Variants in SYN3 observed in about 807,000 individuals in gnomAD.
SYN3 encodes synapsin III.
In SYN3, 35 loss-of-function variants were observed where a neutral mutation model predicts 65.8. The observed-to-expected ratio is 0.53, with a 90% CI of 0.41 to 0.70. The LOEUF (loss-of-function observed/expected upper bound fraction) is 0.70, where lower values mean the gene tolerates loss of function less well. SYN3 is among the 30% of genes least tolerant of loss of function. The probability of loss-of-function intolerance (pLI) is 0.00; values close to 1 mark genes in which losing one functional copy is unlikely to be tolerated. For missense variants in SYN3, 680 were observed against 749.0 expected, an observed-to-expected ratio of 0.91 and a Z score of 1.08; for synonymous variants, 270 against 292.9, an observed-to-expected ratio of 0.92 and a Z score of 0.80.
Position 32,995,951 on chromosome 22 carries a change from T to A in SYN3, c.311+10401A>T, listed in dbSNP as rs569317974. Reference sequence around the variant, plus strand: ...CAGGTGTGAGCCACCGCATCCGGCCTTTTTTTTTCCCCCTGAAGGAAACAC... The same window carrying A: ...CAGGTGTGAGCCACCGCATCCGGCCATTTTTTTTCCCCCTGAAGGAAACAC... On this transcript the variant is annotated intron_variant, in intron 2 of 13. Coordinates refer to ENST00000358763, the MANE Select transcript of SYN3 (RefSeq NM_003490.4). Among the ~76,000 whole-genome samples the A allele has an allele frequency of 5.8e-4, 87 of 151,304 alleles. No homozygotes were observed. In the South Asian group the frequency reaches 0.013, roughly 22 times the overall value.
At chr22:32,686,013 A>T (rs1395564197) in intron 6 of SYN3, among the ~76,000 whole-genome samples, 1 of 152,180 alleles carries the variant, frequency 6.6e-6, no homozygotes, top group Non-Finnish European at 1.5e-5. Flanking sequence ...TATCAAGCAA[A>T]ACTAGCAGGA....
At chr22:32,903,452 C>A (rs970530180) in intron 4 of SYN3, among the ~76,000 whole-genome samples, 2 of 152,196 alleles carry the variant, frequency 1.3e-5, no homozygotes, top group African/African-American at 4.8e-5. Context: ...CACTGACGAT[C>A]AAGTTTTGAC....
chr22:32,612,625 T>C (rs949591585), intron 6 of SYN3, among the ~76,000 whole-genome samples: 1 of 152,090 alleles, frequency 6.6e-6, no homozygotes, highest in Non-Finnish European at 1.5e-5. Flanking sequence ...GAGGATCGCT[T>C]AAGGCCAAAA....
At chr22:32,886,568 A>T (rs1017344221) in intron 4 of SYN3, among the ~76,000 whole-genome samples, 2 of 152,236 alleles carry the variant, frequency 1.3e-5, no homozygotes, top group Admixed American at 1.3e-4. Context: ...AAATGCACCC[A>T]TTTGAAACGT....
intron 3 of SYN3, among the ~76,000 whole-genome samples, chr22:32,971,396 G>A (rs995409967): frequency 2.0e-5 from 3 of 152,148 alleles, no homozygotes; most frequent in African/African-American, 7.2e-5. Flanking sequence ...CTGAGGTCAG[G>A]GTAAGCCAAG....
At chr22:32,990,457 C>CATCCATCCATCCATCT (rs2052680776) in intron 2 of SYN3, among the ~76,000 whole-genome samples, 1 of 150,680 alleles carries the variant, frequency 6.6e-6, no homozygotes, top group South Asian at 2.1e-4. Flanking sequence ...TCCATCCATC[C>CATCCATCCATCCATCT]GCCCACCTAC....
At chr22:32,967,224 G>A (rs759523202) in intron 3 of SYN3, among the ~76,000 whole-genome samples, 6 of 152,182 alleles carry the variant, frequency 3.9e-5, no homozygotes. Flanking sequence ...ACCGCCAGTG[G>A]AAACTCTCTC....
intron 6 of SYN3, among the ~76,000 whole-genome samples, chr22:32,633,037 A>G (rs879763881): frequency 1.3e-5 from 2 of 152,192 alleles, no homozygotes; most frequent in African/African-American, 2.4e-5. Context: ...CAGGCTCATG[A>G]CGTTAGGCAA....
chr22:32,580,137 T>C (rs1209507872), intron 7 of SYN3, among the ~76,000 whole-genome samples: 1 of 152,182 alleles, frequency 6.6e-6, no homozygotes, highest in African/African-American at 2.4e-5. Flanking sequence ...TACAGCCTGG[T>C]TGGGGAGGGA....
At position 32,864,898 on chromosome 22, in the gene SYN3, T is replaced by TA. The variant is rs1249805620; in HGVS notation, c.711+16dup. ...TTCCGCATCATGCAAAGAAACAGAG[T>TA]AAAAAAGGGCACTCACCATTGGCTT... On this transcript the variant is annotated intron_variant, in intron 6 of 13. Coordinates refer to ENST00000358763, the MANE Select transcript of SYN3 (RefSeq NM_003490.4). 6.2e-7 allele frequency: 1 copy of TA among 1,608,260 alleles called. No individual in the cohort carries two copies.
intron 3 of SYN3, among the ~76,000 whole-genome samples, chr22:32,935,424 G>A (rs1215475447): frequency 1.3e-5 from 2 of 149,592 alleles, no homozygotes; most frequent in Non-Finnish European, 3.0e-5. Flanking sequence ...AAATTATTTT[G>A]ACCTCTAAGG....
At chr22:32,800,591 G>A (rs1027221539) in intron 6 of SYN3, among the ~76,000 whole-genome samples, 15 of 152,182 alleles carry the variant, frequency 9.9e-5, no homozygotes, top group Middle Eastern at 3.2e-3. Flanking sequence ...TAGTAATTGT[G>A]TTAGTTATCT....
rs1218977119 is a variant in SYN3 at position 32,586,065 on chromosome 22, TATGTATAC to T, written c.774+10601_774+10608del. 6.2e-3 allele frequency among the ~76,000 whole-genome samples: 837 copies of T among 134,994 alleles called. 9 individuals are homozygous for T. Among genetic ancestry groups the T allele is most frequent in the Admixed American group, 9.4e-3 (124 of 13,154 alleles). The allele number at this position is 134,994 out of a possible 152,430, so 88.6% of individuals were successfully genotyped here. A position where few individuals can be genotyped will look rare whatever the true frequency, so the allele number is the denominator to read the frequency against. On this transcript the variant is annotated intron_variant, in intron 7 of 13. Coordinates refer to ENST00000358763, the MANE Select transcript of SYN3 (RefSeq NM_003490.4). ...ATATGTATATATGTGTATATGTATATATGTATACATGTATACATGTATATATGTATATA... is the reference window on the plus strand; with the variant it reads ...ATATGTATATATGTGTATATGTATATATGTATACATGTATATATGTATATA...
intron 1 of SYN3, among the ~76,000 whole-genome samples, chr22:33,019,757 C>T (rs890869629): frequency 6.6e-6 from 1 of 152,108 alleles, no homozygotes; most frequent in Non-Finnish European, 1.5e-5. Flanking sequence ...GTAGCTGGGA[C>T]TACAGGCACG....
intron 3 of SYN3, among the ~76,000 whole-genome samples, chr22:32,935,890 T>C (rs1450102671): frequency 6.6e-6 from 1 of 152,256 alleles, no homozygotes; most frequent in East Asian, 1.9e-4. Flanking sequence ...AATATCAATT[T>C]TGATATCTTT....
intron 4 of SYN3, among the ~76,000 whole-genome samples, chr22:32,881,322 G>C (rs1367806158): frequency 6.6e-6 from 1 of 152,166 alleles, no homozygotes; most frequent in African/African-American, 2.4e-5. Flanking sequence ...CCCAGGCCAG[G>C]CGCTAATATG....
rs1469167602 is a variant in SYN3, at chr22:32,564,958, CTGCACCCAAACAGTGCTCCT to C, written c.775-23265_775-23246del. On this transcript the variant is annotated intron_variant, in intron 7 of 13. Transcript: ENST00000358763. The stretch of plus-strand genomic sequence containing the variant: ...ATTGTACCCAAACAGTGCTCCTGGA[CTGCACCCAAACAGTGCTCCT>C]GGACTGCACCCAAACAGTGCTCCCG... Among the ~76,000 whole-genome samples the C allele has an allele frequency of 3.1e-3, 259 of 83,328 alleles. 7 individuals carry two copies. In the East Asian group the frequency reaches 0.075, roughly 24 times the overall value. The allele number at this position is 83,328 out of a possible 152,430, so 54.7% of individuals were successfully genotyped here. A position where few individuals can be genotyped will look rare whatever the true frequency, so the allele number is the denominator to read the frequency against.
intron 1 of SYN3, among the ~76,000 whole-genome samples, chr22:33,052,736 C>T (rs1030384303): frequency 1.3e-5 from 2 of 152,338 alleles, no homozygotes; most frequent in Non-Finnish European, 2.9e-5. Flanking sequence ...CATCGGTCAG[C>T]ACCGTCATTG....
At chr22:32,733,569 C>T (rs117685784) in intron 6 of SYN3, among the ~76,000 whole-genome samples, 9 of 152,300 alleles carry the variant, frequency 5.9e-5, no homozygotes, top group South Asian at 4.1e-4. Flanking sequence ...CGGCGCCTGG[C>T]GGAGCTCAGT....
Sources: allele counts gnomAD v4.1 joint callset (sites outside exome capture counted in the v4.1 genomes callset), GRCh38; gene constraint gnomAD v4.1.1; transcripts MANE v1.5; gene names NCBI Gene and HGNC (gene_info 2026-07-23, HGNC 2026-07-21).